RORA: variants seen among roughly 807,000 people sequenced by gnomAD.
The protein encoded by RORA is RAR related orphan receptor A, also known as nuclear receptor ROR-alpha.
In RORA, 7 loss-of-function variants were observed where a neutral mutation model predicts 69.5. That is an observed-to-expected ratio of 0.10 (90% CI 0.06 to 0.19). The LOEUF (loss-of-function observed/expected upper bound fraction) is 0.19, where lower values mean the gene tolerates loss of function less well. RORA is among the 10% of genes least tolerant of loss of function. RORA has a pLI of 1.00. For synonymous variants in RORA, 261 were observed against 240.8 expected, an observed-to-expected ratio of 1.08 and a Z score of -0.78; for missense variants, 457 against 663.0, an observed-to-expected ratio of 0.69 and a Z score of 3.41.
intron 2 of RORA, among the ~76,000 whole-genome samples, chr15:60,618,723 C>T (rs2069323356): frequency 6.6e-6 from 1 of 152,106 alleles, no homozygotes; most frequent in Admixed American, 6.5e-5. Flanking sequence ...TGAGTTTTAC[C>T]TCTTAAAGAT....
chr15:60,809,132 T>G (rs1349307297), intron 1 of RORA, among the ~76,000 whole-genome samples: 1 of 152,044 alleles, frequency 6.6e-6, no homozygotes, highest in Non-Finnish European at 1.5e-5. Context: ...AACTTACTCA[T>G]GTAACCAAAC....
At position 61,073,947 on chromosome 15, in the gene RORA, C is replaced by T. The variant is rs1304904079; in HGVS notation, c.166+155106G>A. ...ATAACAAGCAGTCCATTTTAATGAA[C>T]ATAAGATACTATTTCCTTCATCTTA... On this transcript the variant is annotated intron_variant, in intron 1 of 10. Transcript: ENST00000335670. 2.6e-5 allele frequency among the ~76,000 whole-genome samples: 4 copies of T among 152,182 alleles called. No homozygotes were observed. The East Asian group carries it at 5.8e-4, about 22-fold the overall frequency.
chr15:60,592,702 A>T (rs1301952183), intron 2 of RORA: 3 of 1,032,014 alleles, frequency 2.9e-6, no homozygotes, highest in Non-Finnish European at 3.5e-6. Flanking sequence ...CCCCGCGGGC[A>T]GGTGAGTAGC....
chr15:60,783,304 T>C (rs1001347775), intron 1 of RORA, among the ~76,000 whole-genome samples: 1 of 152,170 alleles, frequency 6.6e-6, no homozygotes, highest in Non-Finnish European at 1.5e-5. Flanking sequence ...AAAACAGCTG[T>C]TTTCTTGTCC....
intron 6 of RORA, 26 bp from the exon 7 acceptor site, chr15:60,503,693 A>G (rs1420338538): frequency 1.2e-6 from 2 of 1,611,848 alleles, no homozygotes; most frequent in Admixed American, 1.7e-5. Flanking sequence ...ACACATTAAC[A>G]TCCTCCAGGA....
At chr15:60,936,400 C>A (rs567735129) in intron 1 of RORA, among the ~76,000 whole-genome samples, 4 of 152,216 alleles carry the variant, frequency 2.6e-5, no homozygotes, top group African/African-American at 9.7e-5. Context: ...ATTAGCAGCA[C>A]AGGGCACGTT....
At chr15:60,758,333 TGTG>T (rs963350774) in intron 1 of RORA, among the ~76,000 whole-genome samples, 1 of 152,188 alleles carries the variant, frequency 6.6e-6, no homozygotes, top group Non-Finnish European at 1.5e-5. Flanking sequence ...CTTTCAGAGT[TGTG>T]GTGGCAATTT....
intron 1 of RORA, among the ~76,000 whole-genome samples, chr15:61,197,098 C>A (rs1225593873): frequency 1.3e-5 from 2 of 152,194 alleles, no homozygotes; most frequent in Non-Finnish European, 2.9e-5. Context: ...AGAAGGCCAG[C>A]GTTACTTCCC....
chr15:60,920,326 T>C (rs1485913820), intron 1 of RORA, among the ~76,000 whole-genome samples: 1 of 152,238 alleles, frequency 6.6e-6, no homozygotes, highest in Non-Finnish European at 1.5e-5. Context: ...CATCTTTGTC[T>C]TAAAGAAGCA....
intron 1 of RORA, among the ~76,000 whole-genome samples, chr15:61,038,532 T>C (rs1896579449): frequency 6.6e-6 from 1 of 152,244 alleles, no homozygotes; most frequent in Admixed American, 6.5e-5. Flanking sequence ...TCAGTCATTA[T>C]GTCAGTCAGT....
At chr15:61,059,200 G>C (rs2078136293) in intron 1 of RORA, among the ~76,000 whole-genome samples, 1 of 152,220 alleles carries the variant, frequency 6.6e-6, no homozygotes. Flanking sequence ...AAGAAAGCCA[G>C]TGGCTGAGCC....
intron 1 of RORA, among the ~76,000 whole-genome samples, chr15:60,772,869 C>A (rs555949013): frequency 6.6e-6 from 1 of 152,238 alleles, no homozygotes; most frequent in Non-Finnish European, 1.5e-5. Flanking sequence ...TATATCCACA[C>A]CATGGCAGCA....
intron 6 of RORA, among the ~76,000 whole-genome samples, chr15:60,504,206 T>C (rs2065421352): frequency 6.6e-6 from 1 of 152,196 alleles, no homozygotes; most frequent in Non-Finnish European, 1.5e-5. Flanking sequence ...GCACCTACTA[T>C]GAGCTAGGCG....
At chr15:61,092,384 C>G (rs2078721014) in intron 1 of RORA, among the ~76,000 whole-genome samples, 1 of 152,210 alleles carries the variant, frequency 6.6e-6, no homozygotes, top group Non-Finnish European at 1.5e-5. Flanking sequence ...GACATTGCAG[C>G]TCCATAATCT....
chr15:61,025,584 C>T (rs1206117763), intron 1 of RORA, among the ~76,000 whole-genome samples: 1 of 152,166 alleles, frequency 6.6e-6, no homozygotes, highest in East Asian at 1.9e-4. Context: ...GAACACAGGA[C>T]ACCTTGTGGA....
chr15:61,076,384 G>T (rs1177300520), intron 1 of RORA, among the ~76,000 whole-genome samples: 7 of 149,052 alleles, frequency 4.7e-5, no homozygotes, highest in Non-Finnish European at 1.0e-4. Flanking sequence ...AAACATTAAG[G>T]AGGGCATCTC....
chr15:60,556,770 A>G (rs2067373624), intron 2 of RORA: 8 of 1,006,346 alleles, frequency 7.9e-6, no homozygotes, highest in Admixed American at 6.1e-5. Context: ...GGGAGGCTCC[A>G]TCTTTGATTC....
intron 2 of RORA, among the ~76,000 whole-genome samples, chr15:60,549,986 G>A (rs993494963): frequency 5.3e-5 from 8 of 152,104 alleles, no homozygotes; most frequent in Non-Finnish European, 1.0e-4. Flanking sequence ...AGCTGCTTCC[G>A]ACCTTGAAAA....
chr15:61,108,843 C>T (rs538033860), intron 1 of RORA, among the ~76,000 whole-genome samples: 108 of 152,062 alleles, frequency 7.1e-4, no homozygotes, highest in Non-Finnish European at 1.3e-3. Flanking sequence ...TTTGACACAC[C>T]CTACCAAAAA....
Sources: allele counts gnomAD v4.1 joint callset (sites outside exome capture counted in the v4.1 genomes callset), GRCh38; gene constraint gnomAD v4.1.1; transcripts MANE v1.5; gene names NCBI Gene and HGNC (gene_info 2026-07-23, HGNC 2026-07-21).